The following RAB30 variants were observed in gnomAD, a reference collection of about 807,000 sequenced individuals.
RAB30 encodes ras-related protein Rab-30.
Under a neutral mutation model 25.1 loss-of-function variants are expected in RAB30, and 9 were observed. The observed-to-expected ratio is 0.36, with a 90% CI of 0.22 to 0.63. The LOEUF is 0.63. Among genes scored for constraint, RAB30 ranks in the 20% least tolerant of loss-of-function variants. The pLI, the probability that RAB30 is intolerant of heterozygous loss-of-function variation, is 0.69. For synonymous variants in RAB30, 77 were observed against 86.4 expected, an observed-to-expected ratio of 0.89 and a Z score of 0.60; for missense variants, 140 against 243.5, an observed-to-expected ratio of 0.58 and a Z score of 2.83.
At chr11:83,031,623 G>A (rs1322433170) in intron 1 of RAB30, among the ~76,000 whole-genome samples, 2 of 151,966 alleles carry the variant, frequency 1.3e-5, no homozygotes, top group African/African-American at 4.8e-5. Context: ...CGTTTCCCGG[G>A]TTCAAGCGAT....
In RAB30 at chr11:82,977,861, T is replaced by A. The variant is rs1856571111; in HGVS notation, c.*4304A>T. 2.0e-5 allele frequency: 3 copies of A among 152,188 alleles called. No homozygotes were observed. Among genetic ancestry groups the A allele is most frequent in the African/African-American group, 7.2e-5 (3 of 41,438 alleles). 9.4% of individuals were successfully genotyped at this position (152,188 alleles called of 1,614,324 possible). A position where few individuals can be genotyped will look rare whatever the true frequency, so the allele number is the denominator to read the frequency against. ...TGAAATGCCATCTCCCTTACTCTAA[T>A]GTTGCTATATTAATATGTGTTTTGA... On this transcript the variant is annotated 3_prime_UTR_variant, in exon 5 of 5. Coordinates refer to ENST00000527633, the MANE Select transcript of RAB30 (RefSeq NM_001286060.2).
chr11:83,070,451 G>A (rs1858809738), intron 1 of RAB30, among the ~76,000 whole-genome samples: 2 of 152,188 alleles, frequency 1.3e-5, no homozygotes, highest in Admixed American at 1.3e-4. Flanking sequence ...GCCCATGTCT[G>A]ACTCAGCTAG....
At chr11:83,049,234 AC>A (rs1858300187) in intron 1 of RAB30, among the ~76,000 whole-genome samples, 1 of 151,598 alleles carries the variant, frequency 6.6e-6, no homozygotes, top group Admixed American at 6.6e-5. Context: ...ACATGGTGAA[AC>A]CCCCATCTCT....
chr11:82,997,475 G>C (rs1856983658), intron 1 of RAB30, 151 bp from the exon 2 acceptor site: 1 of 606,810 alleles, frequency 1.6e-6, no homozygotes, highest in Non-Finnish European at 3.0e-6. Flanking sequence ...CAGCTAGACA[G>C]AAACACAGGT....
At chr11:83,015,527 T>C (rs1316747201) in intron 1 of RAB30, among the ~76,000 whole-genome samples, 1 of 152,200 alleles carries the variant, frequency 6.6e-6, no homozygotes, top group Non-Finnish European at 1.5e-5. Flanking sequence ...TGTTAGGAAA[T>C]GTAAGGACTC....
intron 1 of RAB30, among the ~76,000 whole-genome samples, chr11:83,067,062 G>T (rs1204690088): frequency 6.6e-6 from 1 of 152,102 alleles, no homozygotes; most frequent in Non-Finnish European, 1.5e-5. Context: ...GAGCGCTTTT[G>T]CTTGCCTTCA....
intron 1 of RAB30, among the ~76,000 whole-genome samples, chr11:83,052,073 G>A (rs551123358): frequency 5.4e-4 from 82 of 152,264 alleles, no homozygotes; most frequent in African/African-American, 2.0e-3. Context: ...CAATAATCAG[G>A]TTTGCCAGGA....
intron 1 of RAB30, among the ~76,000 whole-genome samples, chr11:83,053,861 G>C (rs1474249708): frequency 1.3e-5 from 2 of 152,168 alleles, no homozygotes; most frequent in Non-Finnish European, 2.9e-5. Flanking sequence ...AGGCCAAGGT[G>C]AGTGGATCAC....
At chr11:82,996,494 A>G (rs903395171) in intron 2 of RAB30, among the ~76,000 whole-genome samples, 4 of 152,242 alleles carry the variant, frequency 2.6e-5, no homozygotes, top group Non-Finnish European at 5.9e-5. Flanking sequence ...TATGTATGTA[A>G]TGGTCCTACA....
rs750164290 is a variant in RAB30, at chr11:82,975,886, C to T, written c.*6279G>A. The T allele has an allele frequency of 6.6e-6, 1 of 151,956 alleles. No homozygotes were observed. The highest frequency in any genetic ancestry group is 2.4e-5 in the African/African-American group (1 of 41,332). The allele number at this position is 151,956 out of a possible 1,614,324, so 9.4% of individuals were successfully genotyped here. A position where few individuals can be genotyped will look rare whatever the true frequency, so the allele number is the denominator to read the frequency against. ...TAGGCAAAAGAGCAATAATAAATGG[C>T]AAATGTGGCTCCTTAAAAAGAAGAT... On this transcript the variant is annotated 3_prime_UTR_variant, in exon 5 of 5. Transcript: ENST00000527633.
At chr11:83,070,139 G>A (rs1177797577) in intron 1 of RAB30, among the ~76,000 whole-genome samples, 3 of 151,338 alleles carry the variant, frequency 2.0e-5, no homozygotes, top group East Asian at 3.9e-4. Flanking sequence ...ATGGGGTGGG[G>A]TGGGGGGAAG....
chr11:83,021,316 G>C (rs1269471992), intron 1 of RAB30, among the ~76,000 whole-genome samples: 1 of 152,222 alleles, frequency 6.6e-6, no homozygotes, highest in Non-Finnish European at 1.5e-5. Flanking sequence ...GAAGAGGAGA[G>C]ACGAGCTGTG....
intron 4 of RAB30, among the ~76,000 whole-genome samples, chr11:82,986,305 G>C (rs1479920285): frequency 6.6e-6 from 1 of 152,114 alleles, no homozygotes; most frequent in African/African-American, 2.4e-5. Flanking sequence ...TGTGTAGAAG[G>C]GGATTCACTA....
Position 82,974,141 on chromosome 11 carries a change from G to A in RAB30, c.*8024C>T, listed in dbSNP as rs1856502100. The A allele has an allele frequency of 6.6e-6, 1 of 152,148 alleles. No individual in the cohort carries two copies. The highest frequency in any genetic ancestry group is 1.5e-5 in the Non-Finnish European group (1 of 67,946). 9.4% of individuals were successfully genotyped at this position (152,148 alleles called of 1,614,324 possible). A position where few individuals can be genotyped will look rare whatever the true frequency, so the allele number is the denominator to read the frequency against. ...CAAATGGTATGGGGTTTCTTTTGGA[G>A]GTGATGAAAGTGTTCTGAAGTTAGG... On this transcript the variant is annotated 3_prime_UTR_variant, in exon 5 of 5. Transcript: ENST00000527633.
At chr11:83,025,424 A>G (rs2121512959) in intron 1 of RAB30, among the ~76,000 whole-genome samples, 1 of 152,352 alleles carries the variant, frequency 6.6e-6, no homozygotes, top group East Asian at 1.9e-4. Context: ...CAGACTTGAA[A>G]GCAAAGGGAA....
At chr11:83,016,239 T>C (rs181235857) in intron 1 of RAB30, among the ~76,000 whole-genome samples, 1 of 151,956 alleles carries the variant, frequency 6.6e-6, no homozygotes, top group Admixed American at 6.5e-5. Context: ...CCTGATGAAA[T>C]GAGAGAAAGA....
chr11:83,001,853 C>T (rs1857092987), intron 1 of RAB30, among the ~76,000 whole-genome samples: 3 of 152,250 alleles, frequency 2.0e-5, no homozygotes, highest in Middle Eastern at 3.4e-3. Flanking sequence ...AACACTACTG[C>T]AGTATTTTAT....
chr11:83,027,753 C>T (rs1590862464), intron 1 of RAB30, among the ~76,000 whole-genome samples: 1 of 152,146 alleles, frequency 6.6e-6, no homozygotes, highest in African/African-American at 2.4e-5. Flanking sequence ...AATTTTAGAA[C>T]ATTTTCCATT....
At chr11:83,020,930 G>T (rs1042233983) in intron 1 of RAB30, among the ~76,000 whole-genome samples, 1 of 152,060 alleles carries the variant, frequency 6.6e-6, no homozygotes, top group Non-Finnish European at 1.5e-5. Flanking sequence ...TCTGCCAAGA[G>T]CTGCAGATGA....
Sources: gnomAD v4.1 joint callset for allele counts (sites outside exome capture counted in the v4.1 genomes callset) on GRCh38, gnomAD v4.1.1 for gene constraint, MANE v1.5 for transcripts, NCBI Gene and HGNC (gene_info 2026-07-23, HGNC 2026-07-21) for gene names.